PPL: variants seen among roughly 807,000 people sequenced by gnomAD.
PPL encodes the protein 190 kDa paraneoplastic pemphigus antigen.
A neutral mutation model predicts 194.4 loss-of-function variants in PPL; 198 were observed. The ratio of observed to expected loss-of-function variants is 1.02; its 90% confidence interval spans 0.91 to 1.15. PPL has a LOEUF of 1.15. Ranked by LOEUF, PPL falls within the 50% of genes most tolerant of loss-of-function variation. PPL has a pLI of 0.00. For missense variants in PPL, 2,885 were observed against 2,294.8 expected (o/e 1.26, Z -5.25); for synonymous variants, 1,220 against 972.4 (o/e 1.25, Z -4.74).
At chr16:4,899,796 A>G (rs566220937) in intron 6 of PPL, among the ~76,000 whole-genome samples, 6 of 152,330 alleles carry the variant, frequency 3.9e-5, no homozygotes, top group African/African-American at 1.4e-4. Context: ...TGCTCAACAA[A>G]TATCAGTAAC....
intron 1 of PPL, among the ~76,000 whole-genome samples, chr16:4,911,698 A>C (rs1402542953): frequency 2.0e-5 from 3 of 150,458 alleles, no homozygotes; most frequent in African/African-American, 4.9e-5. Context: ...CCACTCCTGC[A>C]TAACTTTTAC....
rs754456563 is a variant in PPL, at chr16:4,885,061, C to T, written c.3594G>A (p.Gln1198=). The T allele has an allele frequency of 1.5e-5, 25 of 1,613,604 alleles. No individual in the cohort carries two copies. Among genetic ancestry groups the T allele is most frequent in the Non-Finnish European group, 2.0e-5 (24 of 1,180,048 alleles). Residue 1198 remains glutamine (Q), a synonymous_variant, in exon 22 of 22, where the codon CAG becomes CAA. Transcript: ENST00000345988. This position sits in a 1 kb window ranked among gnomAD's most constrained non-coding sequence, Gnocchi z 6.3. ...CCTCGGCACCCCGGTACTTTCGCTC[C>T]TGCTCCACAAGCTCCAGGCGGAGGT... ...VANLRLELVE[Q]ERKYRGAEEQ...
At position 4,897,741 on chromosome 16, in the gene PPL, C is replaced by T; in HGVS notation, c.906G>A (p.Trp302Ter). 1.2e-6 allele frequency: 2 copies of T among 1,613,928 alleles called. No homozygotes were observed. ...AGATGAGCAGGTTCAGGTACTCCTT[C>T]CAGTCTGCGTGCACAGCCTCCATGT... is the stretch of plus-strand genomic sequence containing the variant. ...EAHMEAVHAD[W>*]KEYLNLLICE... The change falls in exon 9 of 22, where the codon TGG becomes TGA. Residue 302 changes from tryptophan (W) to a stop codon, truncating the protein, a stop_gained. Transcript: ENST00000345988. LOFTEE classifies it high-confidence loss of function.
At chr16:4,894,185 T>A (rs1388570953) in intron 12 of PPL, among the ~76,000 whole-genome samples, 2 of 152,114 alleles carry the variant, frequency 1.3e-5, no homozygotes, top group Non-Finnish European at 2.9e-5. Context: ...GGTCTGCAAG[T>A]ACAGGGAGCA....
At chr16:4,935,615 T>C (rs551612186) in intron 1 of PPL, among the ~76,000 whole-genome samples, 86 of 152,090 alleles carry the variant, frequency 5.7e-4, no homozygotes, top group African/African-American at 2.0e-3. Flanking sequence ...GTAATGCCTC[T>C]GAGCTTGAAA....
chr16:4,894,364 C>CG, intron 12 of PPL, 103 bp downstream of exon 12: 5 of 1,444,828 alleles, frequency 3.5e-6, no homozygotes, highest in Non-Finnish European at 4.7e-6. Context: ...AGCGACCCCG[C>CG]GCTCCCCACA....
At chr16:4,927,909 C>A (rs377125079) in intron 1 of PPL, among the ~76,000 whole-genome samples, 3 of 152,162 alleles carry the variant, frequency 2.0e-5, no homozygotes. Context: ...GAAGACAGGG[C>A]AACACAGCAA....
rs2088405839 is a variant in PPL at position 4,895,372 on chromosome 16, C to G, written c.1131G>C (p.Val377=). The part of the protein sequence containing the change: ...QEKVLDKYED[V]VQGLQKRGQQ... ...GGCCTCGCTTCTGCAGCCCCTGCAC[C>G]ACGTCCTCATACTTGTCCAGCACCT... Residue 377 remains valine (V), a synonymous_variant, in exon 11 of 22, where the codon GTG becomes GTC. Coordinates refer to ENST00000345988, the MANE Select transcript of PPL (RefSeq NM_002705.5). 6.2e-7 allele frequency: 1 copy of G among 1,613,426 alleles called. No homozygotes were observed. The highest frequency in any genetic ancestry group is 8.5e-7 in the Non-Finnish European group (1 of 1,179,990).
intron 1 of PPL, 68 bp downstream of exon 1, chr16:4,936,916 G>A: frequency 1.4e-6 from 2 of 1,474,870 alleles, no homozygotes; most frequent in African/African-American, 1.4e-5. Flanking sequence ...TGCCCGGGAG[G>A]TCTTCCAGGT....
chr16:4,887,316 G>C (rs2088235290), intron 20 of PPL, 89 bp from the exon 21 acceptor site: 5 of 980,492 alleles, frequency 5.1e-6, no homozygotes, highest in Non-Finnish European at 6.5e-6. Flanking sequence ...CGTGGTTCTT[G>C]AGAAGTGTGG....
At chr16:4,913,583 C>T (rs1215103746) in intron 1 of PPL, among the ~76,000 whole-genome samples, 1 of 152,228 alleles carries the variant, frequency 6.6e-6, no homozygotes, top group Non-Finnish European at 1.5e-5. Context: ...GTCACCCAGG[C>T]TGGAAGTGCA....
chr16:4,936,155 C>T (rs545473783), intron 1 of PPL, among the ~76,000 whole-genome samples: 1 of 152,326 alleles, frequency 6.6e-6, no homozygotes, highest in East Asian at 1.9e-4. Flanking sequence ...ACATGCCATT[C>T]CCCTCCCAGG....
In PPL at chr16:4,895,549, G is replaced by T. The variant is rs763422836; in HGVS notation, c.1095+45C>A. ...CTGAGGGCAGGCATGGTGTAGAGGG[G>T]TCCCCCGCCCCCCGGGCCAGCAGGG... On this transcript the variant is annotated intron_variant, in intron 10 of 21. Transcript: ENST00000345988. The T allele has an allele frequency of 9.9e-6, 16 of 1,612,234 alleles. No individual in the cohort carries two copies. In the South Asian group the frequency reaches 1.8e-4, roughly 18 times the overall value.
rs1441381143 is a variant in PPL at position 4,892,071 on chromosome 16, T to A, written c.1793A>T (p.Glu598Val). ...TRVEDTNRKY[E>V]HLLQLLDLAQ... ...CAAGTCCAGCAGCTGCAGGAGGTGCTCGTATTTCCGGTTGGTGTCCTCCAC... is the reference window on the plus strand; with the variant it reads ...CAAGTCCAGCAGCTGCAGGAGGTGCACGTATTTCCGGTTGGTGTCCTCCAC... The change falls in exon 15 of 22, where the codon GAG becomes GTG. Residue 598 changes from glutamate (E) to valine (V), a missense_variant. By Grantham distance (121) the Glu-to-Val change is moderately radical (BLOSUM62 -2). Transcript: ENST00000345988. 8.1e-6 allele frequency: 13 copies of A among 1,613,608 alleles called. No individual in the cohort carries two copies. The highest frequency in any genetic ancestry group is 1.1e-5 in the Non-Finnish European group (13 of 1,179,982).
intron 20 of PPL, 131 bp from the exon 21 acceptor site, chr16:4,887,358 C>G (rs980188534): frequency 1.7e-5 from 12 of 695,040 alleles, no homozygotes; most frequent in Non-Finnish European, 2.9e-5. Flanking sequence ...CTCTTGCCCA[C>G]TCCTGCCTGG....
chr16:4,907,181 G>C (rs529713264), intron 2 of PPL, among the ~76,000 whole-genome samples: 1 of 151,688 alleles, frequency 6.6e-6, no homozygotes, highest in African/African-American at 2.4e-5. Flanking sequence ...AGGATTGCTT[G>C]AGCCCAGGAG....
rs868238061 is a variant in PPL at position 4,910,709 on chromosome 16, T to C, written c.162+141A>G. 16 of 743,940 alleles carry C rather than the reference T, an allele frequency of 2.2e-5. No individual in the cohort carries two copies. The African/African-American group carries it at 2.8e-4, about 13-fold the overall frequency. 46.1% of individuals were successfully genotyped at this position (743,940 alleles called of 1,614,324 possible). ...CCAGGAGGACCTTCCTTCCAAGCAG[T>C]GACAACCAAAATGTCTCTGCATGTT... On this transcript the variant is annotated intron_variant, in intron 2 of 21. Coordinates refer to ENST00000345988, the MANE Select transcript of PPL (RefSeq NM_002705.5).
Position 4,885,057 on chromosome 16 carries a change from G to A in PPL, c.3598C>T (p.Arg1200Ter), listed in dbSNP as rs200092982. ...TGCTCCTCGGCACCCCGGTACTTTC[G>A]CTCCTGCTCCACAAGCTCCAGGCGG... ...NLRLELVEQE[R>*]KYRGAEEQLR... The change falls in exon 22 of 22, where the codon CGA becomes TGA. Residue 1200 changes from arginine to a stop codon, truncating the protein, a stop_gained. Transcript: ENST00000345988. LOFTEE classifies it high-confidence loss of function. This position sits in a 1 kb window ranked among gnomAD's most constrained non-coding sequence, Gnocchi z 6.3. 4.7e-5 allele frequency: 76 copies of A among 1,613,382 alleles called. No individual in the cohort carries two copies. The highest frequency in any genetic ancestry group is 6.7e-5 in the East Asian group (3 of 44,876).
chr16:4,896,907 T>C (rs2088441005), intron 9 of PPL, among the ~76,000 whole-genome samples: 1 of 151,858 alleles, frequency 6.6e-6, no homozygotes, highest in South Asian at 2.1e-4. Context: ...AGTGCTGGAA[T>C]TACAGACATG....
Sources: allele counts gnomAD v4.1 joint callset (sites outside exome capture counted in the v4.1 genomes callset), GRCh38; gene constraint gnomAD v4.1.1; non-coding constraint Gnocchi (gnomAD v3.1); transcripts MANE v1.5; gene names NCBI Gene and HGNC (gene_info 2026-07-23, HGNC 2026-07-21).